Variants in CLASP1 observed in about 807,000 individuals in gnomAD.
CLASP1 encodes the protein CLIP-associating protein 1.
Under a neutral mutation model 192.3 loss-of-function variants are expected in CLASP1, and 38 were observed. That is an observed-to-expected ratio of 0.20 (90% CI 0.15 to 0.26). CLASP1 has a LOEUF of 0.26. Among genes scored for constraint, CLASP1 ranks in the 10% least tolerant of loss-of-function variants. The pLI is 1.00. For synonymous variants in CLASP1, 691 were observed against 712.8 expected (o/e 0.97, Z 0.49); for missense variants, 1,433 against 1,932.5 (o/e 0.74, Z 4.85).
intron 2 of CLASP1, among the ~76,000 whole-genome samples, chr2:121,593,718 A>T (rs1011134721): frequency 1.3e-5 from 2 of 151,044 alleles, no homozygotes; most frequent in Non-Finnish European, 3.0e-5. Context: ...GATTAAAAAA[A>T]TTTTTTTTTC....
chr2:121,434,173 T>C (rs534774705), intron 19 of CLASP1, among the ~76,000 whole-genome samples: 2 of 152,166 alleles, frequency 1.3e-5, no homozygotes, highest in African/African-American at 4.8e-5. Flanking sequence ...GAAGAAACAG[T>C]TTTGGGTTTT....
intron 37 of CLASP1, among the ~76,000 whole-genome samples, chr2:121,359,290 C>G (rs2065930518): frequency 6.6e-6 from 1 of 152,178 alleles, no homozygotes; most frequent in Non-Finnish European, 1.5e-5. Context: ...CTTTCATTCT[C>G]ACAGCAGAGC....
At chr2:121,472,113 A>C (rs1437465855) in intron 8 of CLASP1, among the ~76,000 whole-genome samples, 2 of 152,310 alleles carry the variant, frequency 1.3e-5, no homozygotes, top group Non-Finnish European at 2.9e-5. Flanking sequence ...GGACAGGTAA[A>C]AAATAAATGG....
At chr2:121,561,471 A>T (rs190308945) in intron 2 of CLASP1, among the ~76,000 whole-genome samples, 94 of 152,322 alleles carry the variant, frequency 6.2e-4, no homozygotes, top group Non-Finnish European at 9.3e-4. Flanking sequence ...TAGAGACAAA[A>T]TGGAACAATA....
intron 2 of CLASP1, among the ~76,000 whole-genome samples, chr2:121,584,640 T>C (rs78257185): frequency 6.6e-6 from 1 of 152,120 alleles, no homozygotes; most frequent in Non-Finnish European, 1.5e-5. Flanking sequence ...CTTTTTTTTT[T>C]CTGGAAACAG....
intron 9 of CLASP1, among the ~76,000 whole-genome samples, chr2:121,463,559 T>C (rs192746907): frequency 6.7e-4 from 102 of 152,298 alleles, no homozygotes; most frequent in African/African-American, 2.3e-3. Flanking sequence ...ATTGAGCAGA[T>C]AGGCCCTGAA....
At chr2:121,412,587 G>A (rs2077899786) in intron 23 of CLASP1, among the ~76,000 whole-genome samples, 1 of 150,232 alleles carries the variant, frequency 6.7e-6, no homozygotes. Context: ...ATAAAACGAA[G>A]TCTAATAAAA....
At chr2:121,417,345 T>C (rs980458562) in intron 23 of CLASP1, among the ~76,000 whole-genome samples, 2 of 151,082 alleles carry the variant, frequency 1.3e-5, no homozygotes, top group Non-Finnish European at 2.9e-5. Context: ...AAATAACCAA[T>C]AAAGGATTGA....
intron 2 of CLASP1, chr2:121,531,053 T>C (rs1004171347): frequency 1.0e-5 from 7 of 697,630 alleles, no homozygotes; most frequent in East Asian, 2.7e-5. Context: ...CAGCAGTAAT[T>C]CGTAAATAAA....
exon 40 of CLASP1, chr2:121,340,046 T>A (rs2062640026): frequency 1.3e-5 from 2 of 152,106 alleles, no homozygotes; most frequent in South Asian, 2.1e-4. Flanking sequence ...ATGAAAGACT[T>A]CTTCTTTATC....
chr2:121,540,873 A>T (rs1032997762), intron 2 of CLASP1, among the ~76,000 whole-genome samples: 1 of 152,154 alleles, frequency 6.6e-6, no homozygotes, highest in Non-Finnish European at 1.5e-5. Flanking sequence ...AGCAGTTATC[A>T]TAAAAGTCAG....
Position 121,479,026 on chromosome 2 carries a change from A to C in CLASP1, c.713-9066T>G, listed in dbSNP as rs1354793976. ...CACCACACACACACACCACACACACACACACCCCACACACACACACACCCC... is the reference window on the plus strand; with the variant it reads ...CACCACACACACACACCACACACACCCACACCCCACACACACACACACCCC... On this transcript the variant is annotated intron_variant, in intron 8 of 39. Coordinates refer to ENST00000263710, the Ensembl canonical transcript of CLASP1. Among the ~76,000 whole-genome samples, 5 of 63,432 alleles carry C rather than the reference A, an allele frequency of 7.9e-5. 1 individual carries two copies. Among genetic ancestry groups the C allele is most frequent in the East Asian group, 5.0e-4 (1 of 2,014 alleles). The allele number at this position is 63,432 out of a possible 152,430, so 41.6% of individuals were successfully genotyped here.
chr2:121,587,587 T>C (rs958929310), intron 2 of CLASP1, among the ~76,000 whole-genome samples: 1 of 152,114 alleles, frequency 6.6e-6, no homozygotes, highest in Non-Finnish European at 1.5e-5. Flanking sequence ...CCCAACACTT[T>C]GGGAGGCTGA....
chr2:121,587,118 G>C (rs547768844), intron 2 of CLASP1, among the ~76,000 whole-genome samples: 1 of 152,304 alleles, frequency 6.6e-6, no homozygotes, highest in African/African-American at 2.4e-5. Flanking sequence ...GTGCGAGCCT[G>C]TAGTCCCAGC....
chr2:121,549,706 C>CAAAAAAAAAAAAAA (rs57551536), intron 2 of CLASP1, among the ~76,000 whole-genome samples: 1 of 70,640 alleles, frequency 1.4e-5, no homozygotes, highest in Non-Finnish European at 2.9e-5. Context: ...CAATCCTCTG[C>CAAAAAAAAAAAAAA]AAAAAAAAAA....
At chr2:121,497,090 A>C (rs758513299) in intron 8 of CLASP1, among the ~76,000 whole-genome samples, 2 of 152,192 alleles carry the variant, frequency 1.3e-5, no homozygotes, top group Non-Finnish European at 2.9e-5. Flanking sequence ...GGGAAGAGTA[A>C]AGTGAAAAAA....
At chr2:121,510,346 C>A (rs1012161690) in intron 7 of CLASP1, among the ~76,000 whole-genome samples, 1 of 152,080 alleles carries the variant, frequency 6.6e-6, no homozygotes, top group Non-Finnish European at 1.5e-5. Flanking sequence ...AAATAAGAAC[C>A]TTGAAAGGGA....
chr2:121,553,268 T>A (rs985752240), intron 2 of CLASP1, among the ~76,000 whole-genome samples: 1 of 152,026 alleles, frequency 6.6e-6, no homozygotes, highest in Non-Finnish European at 1.5e-5. Context: ...GGTGATGAAA[T>A]AATCTGTACA....
At chr2:121,534,662 C>A (rs1228384706) in intron 2 of CLASP1, among the ~76,000 whole-genome samples, 1 of 147,996 alleles carries the variant, frequency 6.8e-6, no homozygotes, top group Non-Finnish European at 1.5e-5. Flanking sequence ...TTCAGCCTCC[C>A]AAGTAGCTGG....
Sources: gnomAD v4.1 joint callset for allele counts (sites outside exome capture counted in the v4.1 genomes callset) on GRCh38, gnomAD v4.1.1 for gene constraint, MANE v1.5 for transcripts, NCBI Gene and HGNC (gene_info 2026-07-23, HGNC 2026-07-21) for gene names.